Variants in GABRB2 observed in about 807,000 individuals in gnomAD.
The protein encoded by GABRB2 is gamma-aminobutyric acid type A receptor subunit beta2, also known as gamma-aminobutyric acid receptor subunit beta-2.
In GABRB2, 16 loss-of-function variants were observed where a neutral mutation model predicts 54.7. The observed-to-expected ratio is 0.29, with a 90% confidence interval of 0.20 to 0.44. The LOEUF (loss-of-function observed/expected upper bound fraction) is 0.44, where lower values mean the gene tolerates loss of function less well. Ranked by LOEUF, GABRB2 falls within the 20% of genes least tolerant of loss-of-function variation. The probability of loss-of-function intolerance (pLI) is 1.00; values close to 1 mark genes in which losing one functional copy is unlikely to be tolerated. For synonymous variants in GABRB2, 244 were observed against 233.8 expected (o/e 1.04, Z -0.40); for missense variants, 355 against 644.0 (o/e 0.55, Z 4.86).
intron 4 of GABRB2, among the ~76,000 whole-genome samples, chr5:161,456,938 T>C (rs1276774877): frequency 6.6e-6 from 1 of 152,160 alleles, no homozygotes; most frequent in African/African-American, 2.4e-5. Flanking sequence ...TAGCATTATA[T>C]AAAATGGAGC....
chr5:161,313,215 G>A (rs6877792), intron 9 of GABRB2, among the ~76,000 whole-genome samples: 5,130 of 152,216 alleles, frequency 0.034, 297 homozygotes, highest in African/African-American at 0.11. Context: ...TAACTGCTCT[G>A]TGACCTTAGA....
chr5:161,498,077 T>A (rs572197498), intron 3 of GABRB2, among the ~76,000 whole-genome samples: 2 of 152,248 alleles, frequency 1.3e-5, no homozygotes, highest in Non-Finnish European at 1.5e-5. Context: ...AGCTAACACA[T>A]AATGCAGCCA....
Position 161,451,722 on chromosome 5 carries a change from C to T in GABRB2, c.458+7902G>A, listed in dbSNP as rs149825711. 5.3e-3 allele frequency among the ~76,000 whole-genome samples: 810 copies of T among 151,990 alleles called. 5 individuals carry two copies. The highest frequency in any genetic ancestry group is 8.9e-3 in the Non-Finnish European group (602 of 67,968). On this transcript the variant is annotated intron_variant, in intron 4 of 9. Coordinates refer to ENST00000393959, the MANE Select transcript of GABRB2 (RefSeq NM_001371727.1). ...ATGATGGTGAGGAGGGTTTTATTGA[C>T]GTGACAAACATGCTTACTATACATT...
chr5:161,376,863 C>A (rs960735705), intron 5 of GABRB2, among the ~76,000 whole-genome samples: 1 of 151,630 alleles, frequency 6.6e-6, no homozygotes, highest in Non-Finnish European at 1.5e-5. Context: ...ATGTACCCTG[C>A]ATTTTAAAAT....
At chr5:161,397,925 T>G (rs1580950187) in intron 5 of GABRB2, among the ~76,000 whole-genome samples, 1 of 152,238 alleles carries the variant, frequency 6.6e-6, no homozygotes, top group Non-Finnish European at 1.5e-5. Context: ...TTTATTCTCA[T>G]AGGGTAGATA....
At chr5:161,463,168 A>C (rs1210553754) in intron 3 of GABRB2, among the ~76,000 whole-genome samples, 1 of 152,052 alleles carries the variant, frequency 6.6e-6, no homozygotes, top group Non-Finnish European at 1.5e-5. Context: ...TTCTGGACGA[A>C]ATAAAACCAC....
At chr5:161,431,537 C>T (rs1757172127) in intron 4 of GABRB2, among the ~76,000 whole-genome samples, 1 of 152,154 alleles carries the variant, frequency 6.6e-6, no homozygotes, top group Non-Finnish European at 1.5e-5. Flanking sequence ...AATGCTCTGC[C>T]AAACAGTAGC....
chr5:161,430,719 A>T (rs1757149022), intron 4 of GABRB2, among the ~76,000 whole-genome samples: 1 of 152,156 alleles, frequency 6.6e-6, no homozygotes, highest in Non-Finnish European at 1.5e-5. Context: ...TCAGGAAAGG[A>T]TGTTCTGATG....
chr5:161,548,066 G>A (rs1012897783), upstream of GABRB2: 2 of 152,976 alleles, frequency 1.3e-5, no homozygotes, highest in African/African-American at 4.8e-5. Context: ...CACCTCCGGA[G>A]GCACTGTGTT....
intron 4 of GABRB2, among the ~76,000 whole-genome samples, chr5:161,413,303 G>C (rs930974681): frequency 5.3e-5 from 8 of 151,802 alleles, no homozygotes; most frequent in African/African-American, 1.9e-4. Context: ...TGTGTCTTAG[G>C]TTGTAGAGGT....
chr5:161,487,794 C>G (rs1356323713), intron 3 of GABRB2, among the ~76,000 whole-genome samples: 2 of 151,880 alleles, frequency 1.3e-5, no homozygotes, highest in East Asian at 1.9e-4. Context: ...TAAATGGTAG[C>G]TGGAGTTACA....
intron 3 of GABRB2, among the ~76,000 whole-genome samples, chr5:161,496,214 T>A (rs1759238440): frequency 6.6e-6 from 1 of 152,130 alleles, no homozygotes; most frequent in Non-Finnish European, 1.5e-5. Context: ...CCTCCCCAGC[T>A]CTTTTTTCCT....
At chr5:161,411,902 T>G (rs1400632070) in intron 4 of GABRB2, among the ~76,000 whole-genome samples, 1 of 152,086 alleles carries the variant, frequency 6.6e-6, no homozygotes, top group Non-Finnish European at 1.5e-5. Flanking sequence ...TTTTAAAACA[T>G]TCCAAATGTA....
At chr5:161,421,929 T>A (rs945021586) in intron 4 of GABRB2, among the ~76,000 whole-genome samples, 4 of 152,172 alleles carry the variant, frequency 2.6e-5, no homozygotes, top group African/African-American at 9.7e-5. Context: ...TTAGCAGCAT[T>A]AGAAACCACA....
At chr5:161,505,702 A>C (rs541567842) in intron 3 of GABRB2, among the ~76,000 whole-genome samples, 1 of 152,298 alleles carries the variant, frequency 6.6e-6, no homozygotes, top group South Asian at 2.1e-4. Flanking sequence ...AAATGATCTC[A>C]TCACTAAGTT....
At chr5:161,437,241 C>A (rs1429740254) in intron 4 of GABRB2, among the ~76,000 whole-genome samples, 1 of 151,774 alleles carries the variant, frequency 6.6e-6, no homozygotes, top group Non-Finnish European at 1.5e-5. Flanking sequence ...AGACCCCTTC[C>A]TTCTGCTTGA....
At chr5:161,427,602 CTTTGTTAA>C (rs1757039884) in intron 4 of GABRB2, among the ~76,000 whole-genome samples, 1 of 143,916 alleles carries the variant, frequency 6.9e-6, no homozygotes, top group Admixed American at 6.8e-5. Context: ...CTCAGCACAA[CTTTGTTAA>C]TTTGGGTTGT....
At chr5:161,412,913 G>C (rs367663634) in intron 4 of GABRB2, among the ~76,000 whole-genome samples, 4 of 151,084 alleles carry the variant, frequency 2.6e-5, no homozygotes, top group Non-Finnish European at 5.9e-5. Context: ...TTTATGGCTT[G>C]TCTGTTTTTA....
chr5:161,528,436 A>G (rs1342075854), intron 3 of GABRB2, among the ~76,000 whole-genome samples: 1 of 151,850 alleles, frequency 6.6e-6, no homozygotes, highest in African/African-American at 2.4e-5. Flanking sequence ...CTGCTTTACA[A>G]AGTAAACATA....
Sources: gnomAD v4.1 joint callset for allele counts (sites outside exome capture counted in the v4.1 genomes callset) on GRCh38, gnomAD v4.1.1 for gene constraint, MANE v1.5 for transcripts, NCBI Gene and HGNC (gene_info 2026-07-23, HGNC 2026-07-21) for gene names.